LAMA3: variants seen among roughly 807,000 people sequenced by gnomAD.
LAMA3 encodes laminin subunit alpha-3.
LAMA3 carries 281 observed loss-of-function variants against 402.0 expected under a neutral mutation model. The observed-to-expected ratio is 0.70, with a 90% CI of 0.63 to 0.77. LAMA3 has a LOEUF of 0.77. Ranked by LOEUF, LAMA3 falls within the 30% of genes least tolerant of loss-of-function variation. The probability of loss-of-function intolerance (pLI) is 0.00; values close to 1 mark genes in which losing one functional copy is unlikely to be tolerated. For missense variants in LAMA3, 3,840 were observed against 4,215.5 expected (o/e 0.91, Z 2.47); for synonymous variants, 1,431 against 1,558.4 (o/e 0.92, Z 1.93).
intron 5 of LAMA3, among the ~76,000 whole-genome samples, chr18:23,752,309 C>A (rs2061766957): frequency 6.6e-6 from 1 of 151,954 alleles, no homozygotes; most frequent in African/African-American, 2.4e-5. Context: ...TGTACCCTAC[C>A]AATTTTTTTT....
At chr18:23,814,351 A>G in intron 14 of LAMA3, 52 bp from the exon 15 acceptor site, 1 of 1,360,634 alleles carries the variant, frequency 7.3e-7, no homozygotes, top group South Asian at 1.2e-5. Flanking sequence ...ACAGGTTTGA[A>G]AACATGTCTT....
In LAMA3 at chr18:23,914,869, A is replaced by G; in HGVS notation, c.7644+9A>G. Reference sequence around the variant, plus strand: ...ACCCACCTGATTTTAAAGTAAGTGTAAATGTTATTTCACTGAATTAAATAT... The same window carrying G: ...ACCCACCTGATTTTAAAGTAAGTGTGAATGTTATTTCACTGAATTAAATAT... On this transcript the variant is annotated intron_variant, in intron 58 of 74. Coordinates refer to ENST00000313654, the MANE Select transcript of LAMA3 (RefSeq NM_198129.4). The G allele has an allele frequency of 5.0e-6, 8 of 1,597,980 alleles. No individual in the cohort carries two copies. Among genetic ancestry groups the G allele is most frequent in the Non-Finnish European group, 6.9e-6 (8 of 1,165,534 alleles).
chr18:23,903,608 A>G (rs76482110), intron 49 of LAMA3, among the ~76,000 whole-genome samples: 80 of 152,264 alleles, frequency 5.3e-4, no homozygotes, highest in African/African-American at 1.9e-3. Flanking sequence ...GCACCCAGTA[A>G]CTCTTTAATA....
chr18:23,769,434 A>G (rs2062147121), intron 8 of LAMA3, among the ~76,000 whole-genome samples: 1 of 152,230 alleles, frequency 6.6e-6, no homozygotes, highest in Admixed American at 6.5e-5. Flanking sequence ...ATGCATGTAA[A>G]TATAATACAT....
chr18:23,899,294 T>C lies in LAMA3; in HGVS notation c.5843T>C (p.Leu1948Ser). ...KNVIRNVHIL[L>S]KQISGTDGEG... ...ACCACTTGATGTTTCCTAGTTCTTTTAAAGCAGATCTCTGGGACAGATGGA... is the reference window on the plus strand; with the variant it reads ...ACCACTTGATGTTTCCTAGTTCTTTCAAAGCAGATCTCTGGGACAGATGGA... The change falls in exon 47 of 75, where the codon TTA becomes TCA. Residue 1948 changes from leucine to serine, a missense_variant. Physicochemically the swap from Leu to Ser is moderately radical, Grantham distance 145 (BLOSUM62 -2). Around this residue, in one of 3 missense-constraint regions of LAMA3, gnomAD observed 891 missense variants for 857.5 expected, o/e 1.04. Transcript: ENST00000313654. The C allele has an allele frequency of 1.2e-6, 2 of 1,614,014 alleles. No homozygotes were observed. The highest frequency in any genetic ancestry group is 1.7e-6 in the Non-Finnish European group (2 of 1,179,948).
chr18:23,709,289 T>G (rs1337155644), intron 1 of LAMA3, among the ~76,000 whole-genome samples: 1 of 151,682 alleles, frequency 6.6e-6, no homozygotes, highest in Admixed American at 6.6e-5. Context: ...CCGAGGCTGC[T>G]CTCGAACTCC....
intron 62 of LAMA3, among the ~76,000 whole-genome samples, chr18:23,926,228 T>C (rs2081999038): frequency 6.6e-6 from 1 of 152,232 alleles, no homozygotes; most frequent in Non-Finnish European, 1.5e-5. Context: ...GTAAGTTGGA[T>C]TCATAGAGCT....
chr18:23,945,982 G>A (rs1353547135), intron 69 of LAMA3, among the ~76,000 whole-genome samples, 162 bp from the exon 70 acceptor site: 2 of 151,860 alleles, frequency 1.3e-5, no homozygotes, highest in East Asian at 1.9e-4. Flanking sequence ...CTCACAAAAC[G>A]ATGGTGATAG....
Position 23,911,930 on chromosome 18 carries a change from T to A in LAMA3, c.7159-781T>A, listed in dbSNP as rs1015242457. ...TATATATGCATTTTAATATAATATA[T>A]AAAATTATATATTATATAACATATA... is the stretch of plus-strand genomic sequence containing the variant. On this transcript the variant is annotated intron_variant, in intron 55 of 74. Transcript: ENST00000313654. Among the ~76,000 whole-genome samples the A allele has an allele frequency of 3.2e-4, 47 of 145,604 alleles. No individual in the cohort carries two copies. The East Asian group carries it at 9.0e-3, about 28-fold the overall frequency.
intron 37 of LAMA3, among the ~76,000 whole-genome samples, 181 bp downstream of exon 37, chr18:23,868,098 G>A (rs545659684): frequency 6.9e-4 from 105 of 152,114 alleles, no homozygotes; most frequent in Middle Eastern, 3.4e-3. Context: ...GCCCCAAAAC[G>A]CAAACTATTT....
intron 2 of LAMA3, among the ~76,000 whole-genome samples, chr18:23,715,658 A>T (rs927203975): frequency 6.6e-6 from 1 of 152,226 alleles, no homozygotes; most frequent in Non-Finnish European, 1.5e-5. Flanking sequence ...ATGGTAACGT[A>T]AACAGCAGGA....
chr18:23,844,138 C>T (rs1034667926), intron 29 of LAMA3, among the ~76,000 whole-genome samples: 1 of 152,206 alleles, frequency 6.6e-6, no homozygotes, highest in African/African-American at 2.4e-5. Flanking sequence ...TGGTGCTCAG[C>T]AAACGTTTAT....
chr18:23,821,480 G>A (rs557824064), intron 19 of LAMA3, among the ~76,000 whole-genome samples: 1 of 152,296 alleles, frequency 6.6e-6, no homozygotes, highest in South Asian at 2.1e-4. Context: ...AAGAACCACT[G>A]ATTTGGGAAT....
intron 18 of LAMA3, 117 bp downstream of exon 18, chr18:23,816,604 G>A: frequency 1.2e-6 from 1 of 807,124 alleles, no homozygotes; most frequent in Non-Finnish European, 2.1e-6. Flanking sequence ...GAGGTCAGGG[G>A]AAGCTGTCCT....
chr18:23,900,314 G>A (rs1437791605), intron 47 of LAMA3, among the ~76,000 whole-genome samples: 2 of 152,068 alleles, frequency 1.3e-5, no homozygotes, highest in African/African-American at 2.4e-5. Context: ...CAAGCAATAC[G>A]CCTGCCTTGG....
At chr18:23,884,907 G>A in intron 41 of LAMA3, 54 bp downstream of exon 41, 1 of 1,397,910 alleles carries the variant, frequency 7.2e-7, no homozygotes, top group South Asian at 1.3e-5. Flanking sequence ...GGAGGGCTGT[G>A]GGTGGGGCTG....
At position 23,717,719 on chromosome 18, in the gene LAMA3, AATTTTTTTTTTTTTTTTTT is replaced by A. The variant is rs746502701; in HGVS notation, c.447+3648_447+3666del. On this transcript the variant is annotated intron_variant, in intron 2 of 74. Transcript: ENST00000313654. ...AGGTGCCCACCACCATGCCTGGCTAAATTTTTTTTTTTTTTTTTTTTTTTTTTTTTTAGTAGAGACAGGG... is the reference window on the plus strand; with the variant it reads ...AGGTGCCCACCACCATGCCTGGCTAATTTTTTTTTTTTAGTAGAGACAGGG... Among the ~76,000 whole-genome samples the A allele has an allele frequency of 8.7e-4, 101 of 116,724 alleles. 1 individual carries two copies. Among genetic ancestry groups the A allele is most frequent in the Non-Finnish European group, 9.5e-4 (58 of 60,794 alleles). The allele number at this position is 116,724 out of a possible 152,430, so 76.6% of individuals were successfully genotyped here.
At chr18:23,793,364 C>G (rs1453872505) in intron 12 of LAMA3, among the ~76,000 whole-genome samples, 1 of 151,728 alleles carries the variant, frequency 6.6e-6, no homozygotes, top group East Asian at 1.9e-4. Flanking sequence ...TCAGCAAGGC[C>G]CCAAGATGTC....
Position 23,861,750 on chromosome 18 carries a change from G to C in LAMA3, c.4527G>C (p.Leu1509=), listed in dbSNP as rs1350664924. 1 of 1,613,868 alleles carries C rather than the reference G, an allele frequency of 6.2e-7. No individual in the cohort carries two copies. The highest frequency in any genetic ancestry group is 8.5e-7 in the Non-Finnish European group (1 of 1,179,982). Residue 1509 remains leucine (L), a synonymous_variant, in exon 35 of 75, where the codon CTG becomes CTC. Transcript: ENST00000313654. ...GTATGGTGGCGGATCTCCAGGAGCT[G>C]CCCGCAACCATCCACAGCGCGTCCT... ...SNSMVADLQE[L]PATIHSASWV...
Sources: gnomAD v4.1 joint callset for allele counts (sites outside exome capture counted in the v4.1 genomes callset) on GRCh38, gnomAD v4.1.1 for gene constraint, gnomAD v4.1.1 regional missense constraint, MANE v1.5 for transcripts, NCBI Gene and HGNC (gene_info 2026-07-23, HGNC 2026-07-21) for gene names.